The following WHRN variants were observed in gnomAD, a reference collection of about 807,000 sequenced individuals.
The protein encoded by WHRN is whirlin.
A neutral mutation model predicts 68.3 loss-of-function variants in WHRN; 41 were observed. The observed-to-expected ratio is 0.60, with a 90% CI of 0.47 to 0.78. The LOEUF (loss-of-function observed/expected upper bound fraction) is 0.78, where lower values mean the gene tolerates loss of function less well. Among genes scored for constraint, WHRN ranks in the 30% least tolerant of loss-of-function variants. WHRN has a pLI of 0.00. For synonymous variants in WHRN, 560 were observed against 561.3 expected (o/e 1.00, Z 0.03); for missense variants, 1,243 against 1,244.7 (o/e 1.00, Z 0.02).
chr9:114,405,307 C>T (rs1207024365), intron 9 of WHRN, among the ~76,000 whole-genome samples: 1 of 152,062 alleles, frequency 6.6e-6, no homozygotes, highest in Non-Finnish European at 1.5e-5. Flanking sequence ...AAATCCTGAC[C>T]TCAAATGACC....
At chr9:114,404,636 C>A (rs1026744986) in intron 9 of WHRN, among the ~76,000 whole-genome samples, 32 of 151,954 alleles carry the variant, frequency 2.1e-4, no homozygotes, top group Non-Finnish European at 2.9e-4. Context: ...GAGTTTGAGA[C>A]CCTAACTTAA....
chr9:114,465,369 T>A (rs1471985339), intron 3 of WHRN, among the ~76,000 whole-genome samples: 1 of 152,188 alleles, frequency 6.6e-6, no homozygotes, highest in Admixed American at 6.5e-5. Flanking sequence ...TAGGCATCCA[T>A]CTAGTCAGTC....
rs1437523406 is a variant in WHRN, at chr9:114,478,673, C to A, written c.717G>T (p.Pro239=). 2 of 1,612,988 alleles carry A rather than the reference C, an allele frequency of 1.2e-6. No homozygotes were observed. Among genetic ancestry groups the A allele is most frequent in the Non-Finnish European group, 1.7e-6 (2 of 1,179,902 alleles). ...AGGGTGGGGAGATGCTGCGGCCCTGCGGGTCCACCCAGGTGTAGATGTGGT... is the reference window on the plus strand; with the variant it reads ...AGGGTGGGGAGATGCTGCGGCCCTGAGGGTCCACCCAGGTGTAGATGTGGT... ...VTNHIYTWVD[P]QGRSISPPSG... The change falls in exon 2 of 12, where the codon CCG becomes CCT. Residue 239 remains proline, a synonymous_variant. Coordinates refer to ENST00000362057, the MANE Select transcript of WHRN (RefSeq NM_015404.4).
intron 2 of WHRN, among the ~76,000 whole-genome samples, chr9:114,466,869 TGTCACCTCAGGGGTCTCCC>T (rs1176142161): frequency 6.6e-6 from 1 of 151,980 alleles, no homozygotes; most frequent in Non-Finnish European, 1.5e-5. Context: ...AGGGGTCTCC[TGTCACCTCAGGGGTCTCCC>T]GTCACCTCAG....
At chr9:114,405,142 T>C (rs1834937879) in intron 9 of WHRN, among the ~76,000 whole-genome samples, 1 of 149,290 alleles carries the variant, frequency 6.7e-6, no homozygotes, top group African/African-American at 2.5e-5. Flanking sequence ...TGGTGCAATC[T>C]TGGCTCACTG....
chr9:114,456,238 G>A (rs1380436759), intron 3 of WHRN, among the ~76,000 whole-genome samples: 1 of 151,954 alleles, frequency 6.6e-6, no homozygotes, highest in Admixed American at 6.5e-5. Context: ...CAAATTCGTA[G>A]AACTGTACAT....
Position 114,478,755 on chromosome 9 carries a change from T to A in WHRN, c.635A>T (p.Lys212Met), listed in dbSNP as rs1437281276. 6.2e-7 allele frequency: 1 copy of A among 1,611,890 alleles called. No homozygotes were observed. The highest frequency in any genetic ancestry group is 8.5e-7 in the Non-Finnish European group (1 of 1,179,862). Residue 212 changes from lysine (K) to methionine (M), a missense_variant, in exon 2 of 12, where the codon AAG (lysine) becomes ATG (methionine). Transcript: ENST00000362057. ...AEAVKALKGSKKLVLSVYSAG... is the reference protein window; with the variant it reads ...AEAVKALKGSMKLVLSVYSAG... ...TGAGTACACAGACAGCACCAGCTTC[T>A]TGGAGCCCTTCAGAGCCTAGGGAGA...
At chr9:114,467,805 A>G (rs1345716720) in intron 2 of WHRN, among the ~76,000 whole-genome samples, 1 of 152,178 alleles carries the variant, frequency 6.6e-6, no homozygotes, top group African/African-American at 2.4e-5. Flanking sequence ...TAGCCCAAAG[A>G]GACGAGAAAC....
At chr9:114,490,579 T>A (rs536949041) in intron 1 of WHRN, among the ~76,000 whole-genome samples, 1 of 140,234 alleles carries the variant, frequency 7.1e-6, no homozygotes, top group African/African-American at 2.6e-5. Flanking sequence ...CTTTTAAGAG[T>A]TTGACCTTCT....
rs1019629519 is a variant in WHRN, at chr9:114,440,537, G to A, written c.964-14124C>T. 4.6e-5 allele frequency among the ~76,000 whole-genome samples: 7 copies of A among 152,110 alleles called. 1 individual carries two copies. Among genetic ancestry groups the A allele is most frequent in the Admixed American group, 1.3e-4 (2 of 15,266 alleles). ...ATTACAGGTGTAAACCATCCTGCCC[G>A]ACCTAAAAAATTAAGATTTATCAAA... On this transcript the variant is annotated intron_variant, in intron 3 of 11. Transcript: ENST00000362057.
At chr9:114,458,210 A>C (rs536226209) in intron 3 of WHRN, among the ~76,000 whole-genome samples, 1 of 152,284 alleles carries the variant, frequency 6.6e-6, no homozygotes, top group East Asian at 1.9e-4. Flanking sequence ...GGTCTGACCT[A>C]CTGTACACAG....
chr9:114,470,626 T>TCAGGGAC (rs919239875), intron 2 of WHRN, among the ~76,000 whole-genome samples: 1 of 152,068 alleles, frequency 6.6e-6, no homozygotes, highest in African/African-American at 2.4e-5. Flanking sequence ...GGGGTTCAGA[T>TCAGGGAC]CAGGGACAGA....
chr9:114,406,272 C>T, intron 9 of WHRN, 83 bp downstream of exon 9: 3 of 1,590,446 alleles, frequency 1.9e-6, no homozygotes, highest in Non-Finnish European at 1.7e-6. Flanking sequence ...GCTGGTCCCC[C>T]CCTTCACTGT....
chr9:114,403,415 A>T lies in WHRN; in HGVS notation c.2419-76T>A, dbSNP rs995918164. 5 of 1,596,672 alleles carry T rather than the reference A, an allele frequency of 3.1e-6. No homozygotes were observed. The African/African-American group carries it at 6.7e-5, about 21-fold the overall frequency. Reference sequence around the variant, plus strand: ...GGCCAGGGGGCTGGGCCGGGCCGTGACACCACCCTGGGTCAGCAGAGCTCA... The same window carrying T: ...GGCCAGGGGGCTGGGCCGGGCCGTGTCACCACCCTGGGTCAGCAGAGCTCA... On this transcript the variant is annotated intron_variant, in intron 10 of 11. Transcript: ENST00000362057.
Position 114,403,237 on chromosome 9 carries a change from G to A in WHRN, c.2521C>T (p.Pro841Ser). 6.2e-7 allele frequency: 1 copy of A among 1,614,168 alleles called. No individual in the cohort carries two copies. ...EGGANTRQPL[P>S]RIVTIQRGGS... ...CATACCTGAATAGTGACAATCCTAG[G>A]CAGGGGCTGGCGGGTGTTGGCGCCA... The change falls in exon 11 of 12, where the codon CCT becomes TCT. Residue 841 changes from proline to serine, a missense_variant. By Grantham distance (74) the Pro-to-Ser change is moderately conservative (BLOSUM62 -1). Transcript: ENST00000362057.
chr9:114,417,805 T>C (rs1397824314), intron 7 of WHRN, among the ~76,000 whole-genome samples: 1 of 152,242 alleles, frequency 6.6e-6, no homozygotes, highest in Non-Finnish European at 1.5e-5. Context: ...CTTGTTCAAA[T>C]ATACACAGAA....
chr9:114,485,311 C>T (rs1367967070), intron 1 of WHRN, among the ~76,000 whole-genome samples: 2 of 152,196 alleles, frequency 1.3e-5, no homozygotes, highest in Non-Finnish European at 2.9e-5. Flanking sequence ...TCAGACACAC[C>T]GGACAATGGT....
intron 3 of WHRN, among the ~76,000 whole-genome samples, chr9:114,441,667 A>G (rs1252945119): frequency 6.6e-6 from 1 of 152,240 alleles, no homozygotes; most frequent in Non-Finnish European, 1.5e-5. Flanking sequence ...CTGAGTATCA[A>G]AGTAAATAAT....
rs144764410 is a variant in WHRN, at chr9:114,416,755, G to C, written c.1626+6559C>G. ...AATACAGGGCCCTTTTCCAACCTTT[G>C]GAGTAGAAACAGAATGGGCTCCTCC... On this transcript the variant is annotated intron_variant, in intron 7 of 11. Coordinates refer to ENST00000362057, the MANE Select transcript of WHRN (RefSeq NM_015404.4). Among the ~76,000 whole-genome samples, 206 of 152,258 alleles carry C rather than the reference G, an allele frequency of 1.4e-3. 2 individuals carry two copies. The East Asian group carries it at 0.037, about 27-fold the overall frequency.
Sources: allele counts gnomAD v4.1 joint callset (sites outside exome capture counted in the v4.1 genomes callset), GRCh38; gene constraint gnomAD v4.1.1; transcripts MANE v1.5; gene names NCBI Gene and HGNC (gene_info 2026-07-23, HGNC 2026-07-21).